Variants in ZCWPW2 observed in about 807,000 individuals in gnomAD.
ZCWPW2 encodes the protein zinc finger CW-type and PWWP domain containing 2.
ZCWPW2 carries 45 observed loss-of-function variants against 46.6 expected under a neutral mutation model. That is an observed-to-expected ratio of 0.96 (90% CI 0.76 to 1.24). ZCWPW2 has a LOEUF of 1.24. ZCWPW2 is among the 50% of genes most tolerant of loss of function. The probability of loss-of-function intolerance (pLI) is 0.00; values close to 1 mark genes in which losing one functional copy is unlikely to be tolerated. For missense variants in ZCWPW2, 429 were observed against 403.9 expected (o/e 1.06, Z -0.53); for synonymous variants, 152 against 137.1 (o/e 1.11, Z -0.76).
At chr3:28,374,967 T>G (rs1705455786) in intron 1 of ZCWPW2, among the ~76,000 whole-genome samples, 1 of 151,184 alleles carries the variant, frequency 6.6e-6, no homozygotes. Flanking sequence ...CTCTCTCTCT[T>G]TAGATCTTTA....
At chr3:28,453,112 T>C (rs935574125) in intron 4 of ZCWPW2, among the ~76,000 whole-genome samples, 1 of 152,196 alleles carries the variant, frequency 6.6e-6, no homozygotes, top group Non-Finnish European at 1.5e-5. Flanking sequence ...ATAAGCCCAA[T>C]ATCAGCAGTG....
intron 1 of ZCWPW2, among the ~76,000 whole-genome samples, chr3:28,378,405 C>T (rs1705568093): frequency 1.3e-5 from 2 of 151,936 alleles, no homozygotes; most frequent in Non-Finnish European, 2.9e-5. Context: ...AAATATAACT[C>T]ACTTAAAAGC....
intron 1 of ZCWPW2, among the ~76,000 whole-genome samples, chr3:28,353,575 A>C (rs977333157): frequency 6.6e-6 from 1 of 152,252 alleles, no homozygotes; most frequent in Non-Finnish European, 1.5e-5. Flanking sequence ...CTTTGACTCC[A>C]GCAGAAAGTT....
rs777249149 is a variant in ZCWPW2 at position 28,478,892 on chromosome 3, GAGC to G, written c.573_575del (p.Gln192del). The stretch of plus-strand genomic sequence containing the variant: ...ATGTCTACTCTATGGATATTCTCAT[GAGC>G]AAAGACTGGAAATGTGCTGCCTATC... On this transcript the variant is annotated inframe_deletion, in exon 5 of 10. Transcript: ENST00000383768. 1.4e-5 allele frequency: 23 copies of G among 1,588,116 alleles called. No homozygotes were observed. The highest frequency in any genetic ancestry group is 3.3e-4 in the Middle Eastern group (2 of 5,978).
chr3:28,484,725 C>T (rs1201342614), intron 5 of ZCWPW2, among the ~76,000 whole-genome samples: 6 of 150,406 alleles, frequency 4.0e-5, no homozygotes, highest in African/African-American at 7.3e-5. Flanking sequence ...TTCCTTTCTT[C>T]CTTCTTTCCT....
intron 6 of ZCWPW2, among the ~76,000 whole-genome samples, chr3:28,503,883 CT>C (rs1345068114): frequency 6.6e-6 from 1 of 151,880 alleles, no homozygotes; most frequent in Non-Finnish European, 1.5e-5. Context: ...TGCTATTTGT[CT>C]TTTTGTTTAT....
chr3:28,448,312 A>C (rs921492485), intron 4 of ZCWPW2, among the ~76,000 whole-genome samples: 1 of 152,202 alleles, frequency 6.6e-6, no homozygotes, highest in Non-Finnish European at 1.5e-5. Flanking sequence ...GCCAAAAGAT[A>C]ATTATAAAAA....
intron 6 of ZCWPW2, among the ~76,000 whole-genome samples, chr3:28,510,044 T>A (rs1385398839): frequency 6.6e-6 from 1 of 152,196 alleles, no homozygotes; most frequent in African/African-American, 2.4e-5. Flanking sequence ...GTTGTCTGAG[T>A]ACTATTTGTT....
chr3:28,380,827 C>G (rs1009685221), intron 1 of ZCWPW2, among the ~76,000 whole-genome samples: 3 of 149,762 alleles, frequency 2.0e-5, no homozygotes, highest in Non-Finnish European at 3.0e-5. Context: ...TGTTCCCACC[C>G]AAGGCCAAAA....
In ZCWPW2 at chr3:28,414,418, G is replaced by A. The variant is rs1696554936; in HGVS notation, c.332+1018G>A. Among the ~76,000 whole-genome samples the A allele has an allele frequency of 2.0e-5, 3 of 151,206 alleles. No homozygotes were observed. The South Asian group carries it at 6.3e-4, about 32-fold the overall frequency. On this transcript the variant is annotated intron_variant, in intron 3 of 9. Transcript: ENST00000383768. Reference sequence around the variant, plus strand: ...GTATAGGGAAACTCGTTTCATGGGGGTTTGTTGTGAAGATTATTTCATCAA... The same window carrying A: ...GTATAGGGAAACTCGTTTCATGGGGATTTGTTGTGAAGATTATTTCATCAA...
At chr3:28,379,430 A>G (rs1705601069) in intron 1 of ZCWPW2, among the ~76,000 whole-genome samples, 1 of 152,214 alleles carries the variant, frequency 6.6e-6, no homozygotes, top group South Asian at 2.1e-4. Context: ...GGTTAAAACA[A>G]AAAACAGCAA....
intron 4 of ZCWPW2, among the ~76,000 whole-genome samples, chr3:28,477,122 C>T (rs964555025): frequency 3.3e-5 from 5 of 152,130 alleles, no homozygotes; most frequent in African/African-American, 1.2e-4. Flanking sequence ...TGATTTTTCA[C>T]CATAATTTCT....
At chr3:28,521,252 G>A in intron 9 of ZCWPW2, 136 bp downstream of exon 9, 6 of 904,468 alleles carry the variant, frequency 6.6e-6, no homozygotes, top group South Asian at 4.1e-5. Flanking sequence ...ATTATCATGA[G>A]GTAAATAATA....
intron 4 of ZCWPW2, among the ~76,000 whole-genome samples, chr3:28,474,618 TGTGCGCGC>T (rs1575178132): frequency 6.8e-6 from 1 of 146,552 alleles, no homozygotes; most frequent in South Asian, 2.2e-4. Flanking sequence ...TGTGTGTGTG[TGTGCGCGC>T]GCGCGCGCGC....
At chr3:28,376,585 A>G (rs533436131) in intron 1 of ZCWPW2, among the ~76,000 whole-genome samples, 65 of 152,222 alleles carry the variant, frequency 4.3e-4, no homozygotes, top group African/African-American at 1.5e-3. Context: ...CTGATTCTCT[A>G]TACTGTCTGC....
At chr3:28,350,846 A>C (rs1704523851) in intron 1 of ZCWPW2, among the ~76,000 whole-genome samples, 1 of 151,894 alleles carries the variant, frequency 6.6e-6, no homozygotes, top group South Asian at 2.1e-4. Context: ...ATAATTGTTA[A>C]GCTCTAAGAA....
chr3:28,471,320 A>T (rs1699033848), intron 4 of ZCWPW2, among the ~76,000 whole-genome samples: 1 of 152,334 alleles, frequency 6.6e-6, no homozygotes, highest in South Asian at 2.1e-4. Flanking sequence ...ACTACAGGCC[A>T]GTATCTCTGA....
Position 28,486,273 on chromosome 3 carries a change from A to G in ZCWPW2, c.611-5854A>G, listed in dbSNP as rs146835141. Among the ~76,000 whole-genome samples, 1,242 of 152,274 alleles carry G rather than the reference A, an allele frequency of 8.2e-3. 21 individuals are homozygous for G. The highest frequency in any genetic ancestry group is 0.028 in the African/African-American group (1,174 of 41,562). ...ATTCATTTTACTTATATATAAGCATATATGCACACACACACATAAGATGTA... is the reference window on the plus strand; with the variant it reads ...ATTCATTTTACTTATATATAAGCATGTATGCACACACACACATAAGATGTA... On this transcript the variant is annotated intron_variant, in intron 5 of 9. Transcript: ENST00000383768.
intron 5 of ZCWPW2, among the ~76,000 whole-genome samples, chr3:28,480,231 G>T (rs936731781): frequency 2.6e-5 from 4 of 152,118 alleles, no homozygotes; most frequent in African/African-American, 9.7e-5. Flanking sequence ...ACCACCATCT[G>T]CTATTTTTTG....
Sources: allele counts gnomAD v4.1 joint callset (sites outside exome capture counted in the v4.1 genomes callset), GRCh38; gene constraint gnomAD v4.1.1; transcripts MANE v1.5; gene names NCBI Gene and HGNC (gene_info 2026-07-23, HGNC 2026-07-21).